The following WDR70 variants were observed in gnomAD, a reference collection of about 807,000 sequenced individuals.
WDR70 encodes WD repeat domain 70, also known as WD repeat-containing protein 70.
Under a neutral mutation model 88.6 loss-of-function variants are expected in WDR70, and 53 were observed. That is an observed-to-expected ratio of 0.60 (90% confidence interval 0.48 to 0.75). The LOEUF (loss-of-function observed/expected upper bound fraction) is 0.75. Ranked by LOEUF, WDR70 falls within the 30% of genes least tolerant of loss-of-function variation. WDR70 has a pLI of 0.00. For missense variants in WDR70, 610 were observed against 823.2 expected, an observed-to-expected ratio of 0.74 and a Z score of 3.17; for synonymous variants, 280 against 270.0, an observed-to-expected ratio of 1.04 and a Z score of -0.36.
chr5:37,631,467 T>A (rs772443011), intron 10 of WDR70, among the ~76,000 whole-genome samples: 1 of 152,210 alleles, frequency 6.6e-6, no homozygotes, highest in African/African-American at 2.4e-5. Context: ...ATTATTTTAA[T>A]AACTGCTAAC....
At chr5:37,564,372 C>T (rs941303230) in intron 9 of WDR70, among the ~76,000 whole-genome samples, 26 of 152,318 alleles carry the variant, frequency 1.7e-4, no homozygotes, top group South Asian at 1.4e-3. Flanking sequence ...AAAAAAAATA[C>T]GAAAACCAGT....
intron 13 of WDR70, among the ~76,000 whole-genome samples, chr5:37,718,512 T>C (rs1224728295): frequency 6.6e-6 from 1 of 152,218 alleles, no homozygotes; most frequent in Admixed American, 6.5e-5. Context: ...AATATTGTCC[T>C]GGGCCATTTA....
At chr5:37,699,426 C>CACACACACAT (rs1747087647) in intron 11 of WDR70, among the ~76,000 whole-genome samples, 1 of 147,954 alleles carries the variant, frequency 6.8e-6, no homozygotes, top group East Asian at 2.0e-4. Flanking sequence ...CACACACACA[C>CACACACACAT]TAGCTTTTGG....
At chr5:37,721,361 C>T in intron 14 of WDR70, 146 bp downstream of exon 14, 1 of 675,458 alleles carries the variant, frequency 1.5e-6, no homozygotes, top group Non-Finnish European at 2.5e-6. Context: ...AAGCCTCAAA[C>T]TCCTGGTATT....
chr5:37,464,518 A>G (rs1166331545), intron 7 of WDR70, among the ~76,000 whole-genome samples: 1 of 152,196 alleles, frequency 6.6e-6, no homozygotes, highest in East Asian at 1.9e-4. Context: ...TGGCTAGTAA[A>G]AAGTAAAGAG....
chr5:37,584,389 A>AT lies in WDR70; in HGVS notation c.918-20668dup, dbSNP rs989636087. 2.6e-5 allele frequency among the ~76,000 whole-genome samples: 4 copies of AT among 152,196 alleles called. 1 individual carries two copies. The South Asian group carries it at 8.3e-4, about 32-fold the overall frequency. On this transcript the variant is annotated intron_variant, in intron 9 of 17. Transcript: ENST00000265107. The stretch of plus-strand genomic sequence containing the variant: ...TTTGTTAGAGATATCGAAAAGGTTC[A>AT]TTTTTTTAGTGGAAACTTCTAAAGT...
chr5:37,525,852 C>A (rs371010850), intron 9 of WDR70, among the ~76,000 whole-genome samples: 1 of 152,200 alleles, frequency 6.6e-6, no homozygotes, highest in Non-Finnish European at 1.5e-5. Flanking sequence ...ATACTATAAA[C>A]ACCTCTAGGC....
intron 10 of WDR70, among the ~76,000 whole-genome samples, chr5:37,623,128 T>A (rs10941355): frequency 0.47 from 70,859 of 151,534 alleles, 17,951 homozygotes; most frequent in Non-Finnish European, 0.58. Context: ...TGCTTGGTAA[T>A]ACTGAAAGAA....
At chr5:37,609,897 C>T (rs1744137787) in intron 10 of WDR70, among the ~76,000 whole-genome samples, 1 of 152,204 alleles carries the variant, frequency 6.6e-6, no homozygotes, top group Non-Finnish European at 1.5e-5. Context: ...ATATCCAGCA[C>T]ACAGCAAATC....
chr5:37,645,560 T>A (rs894889872), intron 10 of WDR70, among the ~76,000 whole-genome samples: 1 of 152,138 alleles, frequency 6.6e-6, no homozygotes, highest in African/African-American at 2.4e-5. Flanking sequence ...TGACCAGTGC[T>A]GAAAGTGGGG....
intron 10 of WDR70, among the ~76,000 whole-genome samples, chr5:37,640,852 A>T (rs1375553957): frequency 6.6e-6 from 1 of 152,222 alleles, no homozygotes; most frequent in African/African-American, 2.4e-5. Flanking sequence ...ACGGAAGTTC[A>T]TCTTCACTTG....
intron 5 of WDR70, among the ~76,000 whole-genome samples, chr5:37,397,501 G>A (rs1241787633): frequency 6.6e-6 from 1 of 151,766 alleles, no homozygotes; most frequent in Non-Finnish European, 1.5e-5. Flanking sequence ...TGTATGCATT[G>A]TCTGCAAATA....
chr5:37,388,426 C>CTTT (rs34629371), intron 3 of WDR70, among the ~76,000 whole-genome samples: 90,117 of 138,684 alleles, frequency 0.65, 32,713 homozygotes, highest in East Asian at 0.87. Flanking sequence ...GAAATACAGA[C>CTTT]TTTTTTTTTT....
intron 5 of WDR70, 91 bp downstream of exon 5, chr5:37,396,661 G>T: frequency 1.4e-6 from 2 of 1,436,872 alleles, no homozygotes; most frequent in Non-Finnish European, 1.8e-6. Flanking sequence ...ATGAGTAAGA[G>T]CCAATTTAAA....
chr5:37,727,213 A>T (rs1369656791), intron 17 of WDR70, among the ~76,000 whole-genome samples, 168 bp downstream of exon 17: 1 of 152,168 alleles, frequency 6.6e-6, no homozygotes. Context: ...TGTATGTATC[A>T]TAAGACTCTA....
intron 9 of WDR70, among the ~76,000 whole-genome samples, chr5:37,531,371 G>A (rs1488413031): frequency 6.6e-6 from 1 of 152,052 alleles, no homozygotes; most frequent in Non-Finnish European, 1.5e-5. Flanking sequence ...TGTCAGTGGA[G>A]TATTGAAGTC....
chr5:37,617,731 T>C (rs1744384328), intron 10 of WDR70, among the ~76,000 whole-genome samples: 1 of 152,226 alleles, frequency 6.6e-6, no homozygotes, highest in East Asian at 1.9e-4. Context: ...TCAAGGGCTT[T>C]ATTTACCTGC....
intron 7 of WDR70, among the ~76,000 whole-genome samples, chr5:37,473,573 A>T (rs1452588459): frequency 6.6e-6 from 1 of 151,970 alleles, no homozygotes; most frequent in Non-Finnish European, 1.5e-5. Context: ...CGAGCTCCTG[A>T]GCTCAGGTGA....
At chr5:37,496,001 C>A (rs1740204631) in intron 8 of WDR70, among the ~76,000 whole-genome samples, 1 of 152,172 alleles carries the variant, frequency 6.6e-6, no homozygotes, top group Non-Finnish European at 1.5e-5. Flanking sequence ...ACCACATGTC[C>A]TTTTATCCTA....
Sources: gnomAD v4.1 joint callset for allele counts (sites outside exome capture counted in the v4.1 genomes callset) on GRCh38, gnomAD v4.1.1 for gene constraint, MANE v1.5 for transcripts, NCBI Gene and HGNC (gene_info 2026-07-23, HGNC 2026-07-21) for gene names.